SULF2: variants seen among roughly 807,000 people sequenced by gnomAD.
SULF2 encodes the protein sulfatase 2.
In SULF2, 52 loss-of-function variants were observed where a neutral mutation model predicts 107.7. That is an observed-to-expected ratio of 0.48 (90% CI 0.39 to 0.61). The LOEUF is 0.61. Ranked by LOEUF, SULF2 falls within the 20% of genes least tolerant of loss-of-function variation. The probability of loss-of-function intolerance (pLI) is 0.00; values close to 1 mark genes in which losing one functional copy is unlikely to be tolerated. For synonymous variants in SULF2, 460 were observed against 464.3 expected, an observed-to-expected ratio of 0.99 and a Z score of 0.12; for missense variants, 993 against 1,177.3, an observed-to-expected ratio of 0.84 and a Z score of 2.29.
chr20:47,745,400 AAAAAAAAAAAATATATATATATATATAT>A (rs1229707597), intron 2 of SULF2, among the ~76,000 whole-genome samples: 3 of 30,560 alleles, frequency 9.8e-5, no homozygotes, highest in African/African-American at 3.3e-4. Flanking sequence ...AAAAAAAAAA[AAAAAAAAAAAATATATATATATATATAT>A]ATATATATAT....
At chr20:47,663,385 C>A in intron 16 of SULF2, 68 bp downstream of exon 16, 1 of 1,595,260 alleles carries the variant, frequency 6.3e-7, no homozygotes, top group South Asian at 1.1e-5. Flanking sequence ...AGGTCTGGGT[C>A]ACTAAGTGGA....
intron 2 of SULF2, among the ~76,000 whole-genome samples, chr20:47,748,176 T>C (rs1280986897): frequency 6.6e-6 from 1 of 152,214 alleles, no homozygotes; most frequent in Non-Finnish European, 1.5e-5. Context: ...GTCTGCTCTC[T>C]GCCGCCCTCT....
intron 3 of SULF2, 44 bp downstream of exon 3, chr20:47,736,659 C>A (rs758119617): frequency 1.2e-6 from 2 of 1,611,130 alleles, no homozygotes; most frequent in Non-Finnish European, 8.5e-7. Flanking sequence ...GACGCCCGCC[C>A]TGGCTGTCAC....
intron 1 of SULF2, among the ~76,000 whole-genome samples, chr20:47,768,882 GTTTTT>G (rs11473246): frequency 1.6e-5 from 2 of 127,472 alleles, no homozygotes; most frequent in African/African-American, 2.9e-5. Flanking sequence ...TTGTGTGCGT[GTTTTT>G]TTTTTTTTTT....
Position 47,659,453 on chromosome 20 carries a change from C to T in SULF2, c.2529-1G>A. ...TGGCCACTTTCGACGCTGAAACTGC[C>T]TAAGTTTTCAAGTGTCAAAGGAGAA... On this transcript the variant is annotated splice_acceptor_variant, in intron 19 of 20. Transcript: ENST00000688720. LOFTEE classifies it high-confidence loss of function. 1.2e-6 allele frequency: 2 copies of T among 1,614,046 alleles called. No homozygotes were observed. The highest frequency in any genetic ancestry group is 1.7e-6 in the Non-Finnish European group (2 of 1,179,974).
chr20:47,711,948 A>G (rs1220244240), intron 3 of SULF2, among the ~76,000 whole-genome samples: 1 of 152,234 alleles, frequency 6.6e-6, no homozygotes, highest in Non-Finnish European at 1.5e-5. Flanking sequence ...ATAGATATAC[A>G]ACATTCACAT....
intron 3 of SULF2, 25 bp from the exon 4 acceptor site, chr20:47,702,695 G>T: frequency 6.2e-7 from 1 of 1,611,190 alleles, no homozygotes; most frequent in Non-Finnish European, 8.5e-7. Flanking sequence ...GGATCAGGAG[G>T]CCACGTGAGA....
At chr20:47,780,010 G>C (rs1404259625) in intron 1 of SULF2, among the ~76,000 whole-genome samples, 3 of 139,434 alleles carry the variant, frequency 2.2e-5, no homozygotes, top group African/African-American at 8.0e-5. Context: ...CTCTACCCTA[G>C]TTGACTTTTT....
chr20:47,703,553 A>G (rs1212646867), intron 3 of SULF2, among the ~76,000 whole-genome samples: 1 of 152,216 alleles, frequency 6.6e-6, no homozygotes, highest in Non-Finnish European at 1.5e-5. Flanking sequence ...GAGCCCTCAC[A>G]CACTGAGTGG....
At chr20:47,776,032 C>G (rs2090718814) in intron 1 of SULF2, among the ~76,000 whole-genome samples, 1 of 152,096 alleles carries the variant, frequency 6.6e-6, no homozygotes, top group South Asian at 2.1e-4. Context: ...AACTCCACAC[C>G]CCACTTCCTC....
At chr20:47,725,517 G>C (rs116205947) in intron 3 of SULF2, among the ~76,000 whole-genome samples, 1 of 152,102 alleles carries the variant, frequency 6.6e-6, no homozygotes, top group Non-Finnish European at 1.5e-5. Flanking sequence ...CACCATCACC[G>C]GCAATGCAGT....
rs772067214 is a variant in SULF2 at position 47,678,841 on chromosome 20, G to A, written c.1065-37C>T. 2 of 1,603,528 alleles carry A rather than the reference G, an allele frequency of 1.2e-6. No individual in the cohort carries two copies. The highest frequency in any genetic ancestry group is 4.5e-5 in the East Asian group (2 of 44,624). ...AGGAGATCGGGGACTCAGTCACTCAGGTGGTGGTGCCTCAGCCTCGCGTGG... is the reference window on the plus strand; with the variant it reads ...AGGAGATCGGGGACTCAGTCACTCAAGTGGTGGTGCCTCAGCCTCGCGTGG... On this transcript the variant is annotated intron_variant, in intron 7 of 20. Coordinates refer to ENST00000688720, the MANE Select transcript of SULF2 (RefSeq NM_001387048.1). The surrounding 1 kb of genome is among the most constrained non-coding windows in gnomAD (Gnocchi z 4.5).
intron 2 of SULF2, among the ~76,000 whole-genome samples, chr20:47,745,454 TATAC>T (rs1195882803): frequency 0.17 from 2,920 of 17,098 alleles, 287 homozygotes; most frequent in Non-Finnish European, 0.2. Context: ...TATATATATA[TATAC>T]ACATACACAC....
chr20:47,687,625 T>C (rs949323017), intron 5 of SULF2, among the ~76,000 whole-genome samples: 3 of 151,940 alleles, frequency 2.0e-5, no homozygotes, highest in South Asian at 2.1e-4. Context: ...GTGTGTATCT[T>C]TGTATCTCTG....
At position 47,785,472 on chromosome 20, in the gene SULF2, T is replaced by TGCC. The variant is rs1347604549; in HGVS notation, c.-233_-231dup. ...CCGCTGCCGCCGCCGCCGCCGCCGC[T>TGCC]GCCGCTGCTGCATCCCCCGGCGAGC... On this transcript the variant is annotated 5_prime_UTR_variant, in exon 1 of 21. Transcript: ENST00000688720. 1.2e-4 allele frequency: 18 copies of TGCC among 149,840 alleles called. No individual in the cohort carries two copies. The highest frequency in any genetic ancestry group is 4.6e-4 in the African/African-American group (17 of 36,576). 9.3% of individuals were successfully genotyped at this position (149,840 alleles called of 1,614,324 possible).
chr20:47,726,084 T>C (rs79565674), intron 3 of SULF2, among the ~76,000 whole-genome samples: 7,435 of 152,176 alleles, frequency 0.049, 254 homozygotes, highest in Non-Finnish European at 0.072. Flanking sequence ...GGATTACAGA[T>C]GAGGAATCAC....
rs144812923 is a variant in SULF2, at chr20:47,673,904, C to T, written c.1381-1511G>A. 9.4e-3 allele frequency among the ~76,000 whole-genome samples: 1,435 copies of T among 152,346 alleles called. 18 individuals carry two copies. Among genetic ancestry groups the T allele is most frequent in the African/African-American group, 0.032 (1,334 of 41,578 alleles). ...TGAAGCCCTGAGCTGTGTGCGCTGGCGAGCAGCCTCCTGTCCACTTAGCTC... is the reference window on the plus strand; with the variant it reads ...TGAAGCCCTGAGCTGTGTGCGCTGGTGAGCAGCCTCCTGTCCACTTAGCTC... On this transcript the variant is annotated intron_variant, in intron 10 of 20. Transcript: ENST00000688720.
chr20:47,748,386 G>A (rs1409251062), intron 2 of SULF2, among the ~76,000 whole-genome samples: 2 of 152,224 alleles, frequency 1.3e-5, no homozygotes, highest in Non-Finnish European at 2.9e-5. Flanking sequence ...ACTGCTAGGG[G>A]AGCTGCCCTC....
chr20:47,690,033 T>C, intron 5 of SULF2, 93 bp downstream of exon 5: 2 of 1,202,172 alleles, frequency 1.7e-6, no homozygotes, highest in Admixed American at 7.1e-5. Context: ...GGAGGCACAG[T>C]GAAGTCATGG....
Sources: gnomAD v4.1 joint callset for allele counts (sites outside exome capture counted in the v4.1 genomes callset) on GRCh38, gnomAD v4.1.1 for gene constraint, Gnocchi (gnomAD v3.1) non-coding constraint, MANE v1.5 for transcripts, NCBI Gene and HGNC (gene_info 2026-07-23, HGNC 2026-07-21) for gene names.